Variants in LHFPL6 observed in about 807,000 individuals in gnomAD.
LHFPL6 encodes LHFPL tetraspan subfamily member 6.
Under a neutral mutation model 20.6 loss-of-function variants are expected in LHFPL6, and 9 were observed. The ratio of observed to expected loss-of-function variants is 0.44; its 90% CI spans 0.26 to 0.76. The LOEUF is 0.76. Among genes scored for constraint, LHFPL6 ranks in the 30% least tolerant of loss-of-function variants. LHFPL6 has a pLI of 0.20. For missense variants in LHFPL6, 218 were observed against 253.5 expected, an observed-to-expected ratio of 0.86 and a Z score of 0.95; for synonymous variants, 105 against 98.7, an observed-to-expected ratio of 1.06 and a Z score of -0.38.
At position 39,404,404 on chromosome 13, in the gene LHFPL6, G is replaced by T. The variant is rs1036562336; in HGVS notation, c.386-25878C>A. On this transcript the variant is annotated intron_variant, in intron 2 of 3. Transcript: ENST00000379589. ...ATATTCCCTCAAAATTCTTCACCTGGTCAATTCTGATTCACTCTTCAGGTC... is the reference window on the plus strand; with the variant it reads ...ATATTCCCTCAAAATTCTTCACCTGTTCAATTCTGATTCACTCTTCAGGTC... Among the ~76,000 whole-genome samples, 78 of 152,010 alleles carry T rather than the reference G, an allele frequency of 5.1e-4. 1 individual carries two copies. The highest frequency in any genetic ancestry group is 1.7e-3 in the African/African-American group (72 of 41,370).
chr13:39,516,624 C>G (rs1566130538), intron 2 of LHFPL6, among the ~76,000 whole-genome samples: 2 of 152,176 alleles, frequency 1.3e-5, no homozygotes, highest in Non-Finnish European at 2.9e-5. Flanking sequence ...ATATATAATG[C>G]AGGAATCAAC....
chr13:39,379,370 G>A (rs975094753), intron 2 of LHFPL6, among the ~76,000 whole-genome samples: 1 of 152,126 alleles, frequency 6.6e-6, no homozygotes, highest in Admixed American at 6.6e-5. Context: ...TCAATCACAG[G>A]TGTTATCAAC....
chr13:39,458,129 A>G (rs1872611967), intron 2 of LHFPL6, among the ~76,000 whole-genome samples: 1 of 152,208 alleles, frequency 6.6e-6, no homozygotes, highest in Non-Finnish European at 1.5e-5. Flanking sequence ...ACAGATTTCC[A>G]ATGACAGTTT....
chr13:39,522,355 C>T (rs1443075736), intron 2 of LHFPL6, among the ~76,000 whole-genome samples: 1 of 152,208 alleles, frequency 6.6e-6, no homozygotes, highest in African/African-American at 2.4e-5. Flanking sequence ...TTTAAACTCG[C>T]GTAGTCTGGC....
chr13:39,596,598 TTAGA>T (rs1872777856), intron 2 of LHFPL6, among the ~76,000 whole-genome samples: 3 of 151,898 alleles, frequency 2.0e-5, no homozygotes, highest in Non-Finnish European at 4.4e-5. Context: ...CTATCATAGG[TTAGA>T]GTGAGCCAAA....
At chr13:39,396,088 T>C (rs1374365941) in intron 2 of LHFPL6, among the ~76,000 whole-genome samples, 2 of 152,108 alleles carry the variant, frequency 1.3e-5, no homozygotes, top group African/African-American at 4.8e-5. Flanking sequence ...TTTTCTGCTG[T>C]GACCCTTGAA....
chr13:39,514,707 C>G (rs963181520), intron 2 of LHFPL6, among the ~76,000 whole-genome samples: 2 of 152,180 alleles, frequency 1.3e-5, no homozygotes, highest in East Asian at 1.9e-4. Flanking sequence ...AAAACAGGAA[C>G]AGGGAAAGGG....
intron 2 of LHFPL6, among the ~76,000 whole-genome samples, chr13:39,572,722 A>T (rs535298530): frequency 6.6e-6 from 1 of 151,958 alleles, no homozygotes; most frequent in Admixed American, 6.6e-5. Context: ...CCACTTTAAG[A>T]CTCAGCTGTT....
rs947979068 is a variant in LHFPL6, at chr13:39,441,285, C to A, written c.386-62759G>T. 2.6e-5 allele frequency among the ~76,000 whole-genome samples: 4 copies of A among 151,582 alleles called. No individual in the cohort carries two copies. The South Asian group carries it at 8.4e-4, about 32-fold the overall frequency. ...ATAGGTGTGAGCCGCTGCACCTGGC[C>A]CCTGCCTTGTTAAATGCATTGTTTA... On this transcript the variant is annotated intron_variant, in intron 2 of 3. Coordinates refer to ENST00000379589, the MANE Select transcript of LHFPL6 (RefSeq NM_005780.3).
At chr13:39,592,678 AT>A (rs1339920685) in intron 2 of LHFPL6, among the ~76,000 whole-genome samples, 1 of 152,208 alleles carries the variant, frequency 6.6e-6, no homozygotes, top group African/African-American at 2.4e-5. Flanking sequence ...AAAAAAGAGA[AT>A]TTTAGACCAA....
At chr13:39,370,821 G>C (rs1294100560) in intron 3 of LHFPL6, among the ~76,000 whole-genome samples, 1 of 152,226 alleles carries the variant, frequency 6.6e-6, no homozygotes. Flanking sequence ...ATGTCACAGA[G>C]ACCAATAGCA....
At chr13:39,389,739 T>C (rs1870656431) in intron 2 of LHFPL6, among the ~76,000 whole-genome samples, 1 of 152,160 alleles carries the variant, frequency 6.6e-6, no homozygotes, top group African/African-American at 2.4e-5. Context: ...GAGAAGCACA[T>C]GCAGAGAAAG....
At chr13:39,501,580 T>C (rs566012869) in intron 2 of LHFPL6, among the ~76,000 whole-genome samples, 1 of 152,276 alleles carries the variant, frequency 6.6e-6, no homozygotes, top group South Asian at 2.1e-4. Context: ...GCTCTATCTA[T>C]GGGATTCTCA....
At chr13:39,464,763 A>G (rs1157445741) in intron 2 of LHFPL6, among the ~76,000 whole-genome samples, 1 of 147,524 alleles carries the variant, frequency 6.8e-6, no homozygotes, top group Non-Finnish European at 1.5e-5. Context: ...TGGTTACTAT[A>G]GAAATAAAGT....
intron 2 of LHFPL6, among the ~76,000 whole-genome samples, chr13:39,479,122 T>C (rs1039830082): frequency 3.0e-5 from 3 of 100,596 alleles, no homozygotes; most frequent in African/African-American, 8.7e-5. Flanking sequence ...TCCATCCATC[T>C]ATCTATCTAT....
intron 2 of LHFPL6, among the ~76,000 whole-genome samples, chr13:39,468,192 T>C (rs1872852171): frequency 6.6e-6 from 1 of 152,220 alleles, no homozygotes; most frequent in Admixed American, 6.5e-5. Context: ...GTAAACCCAT[T>C]GTGATCTGTG....
intron 2 of LHFPL6, among the ~76,000 whole-genome samples, chr13:39,442,162 A>G (rs534259713): frequency 1.3e-5 from 2 of 152,286 alleles, no homozygotes; most frequent in East Asian, 1.9e-4. Flanking sequence ...CTACATATCA[A>G]ATAGTCTTCT....
intron 2 of LHFPL6, among the ~76,000 whole-genome samples, chr13:39,530,276 A>G (rs1404612203): frequency 6.6e-6 from 1 of 151,944 alleles, no homozygotes; most frequent in Non-Finnish European, 1.5e-5. Context: ...TAAAAAAAAA[A>G]AGAAAAGAGT....
rs544936464 is a variant in LHFPL6, at chr13:39,595,085, T to C, written c.385+5747A>G. Among the ~76,000 whole-genome samples the C allele has an allele frequency of 4.1e-4, 63 of 152,244 alleles. 2 individuals are homozygous for C. In the South Asian group the frequency reaches 0.013, roughly 32 times the overall value. On this transcript the variant is annotated intron_variant, in intron 2 of 3. Coordinates refer to ENST00000379589, the MANE Select transcript of LHFPL6 (RefSeq NM_005780.3). The stretch of plus-strand genomic sequence containing the variant: ...ATACATAGGTAACAAACCTGCACGT[T>C]GTGCACATGTACCCTAAAACTTAAA...
Sources: allele counts gnomAD v4.1 joint callset (sites outside exome capture counted in the v4.1 genomes callset), GRCh38; gene constraint gnomAD v4.1.1; transcripts MANE v1.5; gene names NCBI Gene and HGNC (gene_info 2026-07-23, HGNC 2026-07-21).